The following PEX11A variants were observed in gnomAD, a reference collection of about 807,000 sequenced individuals.
The protein encoded by PEX11A is peroxisomal biogenesis factor 11 alpha.
In PEX11A, 13 loss-of-function variants were observed where a neutral mutation model predicts 14.4. The observed-to-expected ratio is 0.90, with a 90% CI of 0.59 to 1.43. PEX11A has a LOEUF of 1.43. PEX11A is among the 40% of genes most tolerant of loss of function. The pLI is 0.00. For missense variants in PEX11A, 290 were observed against 302.8 expected, an observed-to-expected ratio of 0.96 and a Z score of 0.31; for synonymous variants, 101 against 113.0, an observed-to-expected ratio of 0.89 and a Z score of 0.67.
chr15:89,688,880 TA>T (rs1964727406), intron 1 of PEX11A, among the ~76,000 whole-genome samples: 1 of 151,748 alleles, frequency 6.6e-6, no homozygotes, highest in Non-Finnish European at 1.5e-5. Flanking sequence ...AACGCCCAGC[TA>T]ATTTTTGTAT....
At chr15:89,685,647 T>G (rs1964666502) in intron 2 of PEX11A, among the ~76,000 whole-genome samples, 1 of 152,046 alleles carries the variant, frequency 6.6e-6, no homozygotes, top group African/African-American at 2.4e-5. Flanking sequence ...CCACCTCCTC[T>G]AAAACACCTT....
intron 2 of PEX11A, 112 bp from the exon 3 acceptor site, chr15:89,684,060 G>C: frequency 1.3e-6 from 1 of 749,448 alleles, no homozygotes; most frequent in East Asian, 2.5e-5. Context: ...TGTTGAGACA[G>C]GGTCTTGCTC....
chr15:89,689,690 A>T (rs898951826), intron 1 of PEX11A, among the ~76,000 whole-genome samples: 13 of 152,014 alleles, frequency 8.6e-5, no homozygotes, highest in Admixed American at 2.0e-4. Flanking sequence ...GCTTCTCCCC[A>T]CTGTATTTCC....
chr15:89,686,951 T>G (rs1964686649), intron 1 of PEX11A, among the ~76,000 whole-genome samples: 1 of 151,772 alleles, frequency 6.6e-6, no homozygotes, highest in Non-Finnish European at 1.5e-5. Context: ...TTTGATCGAG[T>G]CTCGCTCTTT....
At chr15:89,689,305 T>C (rs1170059812) in intron 1 of PEX11A, among the ~76,000 whole-genome samples, 1 of 152,142 alleles carries the variant, frequency 6.6e-6, no homozygotes, top group Admixed American at 6.5e-5. Flanking sequence ...ATTTAGAGTA[T>C]CTACCTCATA....
At chr15:89,690,383 G>A (rs972695086) in intron 1 of PEX11A, among the ~76,000 whole-genome samples, 194 bp downstream of exon 1, 1 of 152,178 alleles carries the variant, frequency 6.6e-6, no homozygotes, top group Admixed American at 6.5e-5. Context: ...CGGGACGCGG[G>A]TGCGTTGGGC....
intron 1 of PEX11A, 71 bp downstream of exon 1, chr15:89,690,506 G>C (rs1222289283): frequency 8.6e-7 from 1 of 1,156,698 alleles, no homozygotes; most frequent in African/African-American, 1.5e-5. Flanking sequence ...CTTTTTCCCG[G>C]GTGCAGGGGA....
Position 89,683,516 on chromosome 15 carries a change from A to T in PEX11A, c.605T>A (p.Leu202His), listed in dbSNP as rs1427512584. 6.2e-7 allele frequency: 1 copy of T among 1,614,084 alleles called. No homozygotes were observed. The highest frequency in any genetic ancestry group is 1.3e-5 in the African/African-American group (1 of 74,946). The change falls in exon 3 of 3, where the codon CTT becomes CAT. Residue 202 changes from leucine to histidine, a missense_variant. Leu to His is a moderately conservative substitution (Grantham distance 99). Coordinates refer to ENST00000300056, the MANE Select transcript of PEX11A (RefSeq NM_003847.3). ...GTCCAAAGGGTTCAGGATATCACAA[A>T]GGTTCTTCACTGTGTCCAGGAGCAA... Reference protein sequence around the residue: ...PPLLLDTVKNLCDILNPLDQL... With the variant: ...PPLLLDTVKNHCDILNPLDQL...
chr15:89,683,343 T>C lies in PEX11A; in HGVS notation c.*34A>G, dbSNP rs1964624196. On this transcript the variant is annotated 3_prime_UTR_variant, in exon 3 of 3. Transcript: ENST00000300056. The stretch of plus-strand genomic sequence containing the variant: ...TCTGTCCCACCAAGAGGCCATCTTT[T>C]AAAGTAGGTACTAGTTCCAAGCCTA... 7.0e-7 allele frequency: 1 copy of C among 1,419,502 alleles called. No individual in the cohort carries two copies. Among genetic ancestry groups the C allele is most frequent in the Non-Finnish European group, 9.7e-7 (1 of 1,027,494 alleles). The allele number at this position is 1,419,502 out of a possible 1,614,324, so 87.9% of individuals were successfully genotyped here. A position where few individuals can be genotyped will look rare whatever the true frequency, so the allele number is the denominator to read the frequency against.
intron 1 of PEX11A, among the ~76,000 whole-genome samples, chr15:89,688,663 C>T (rs574029670): frequency 2.1e-4 from 30 of 145,538 alleles, no homozygotes; most frequent in East Asian, 1.7e-3. Flanking sequence ...AGTGCTGGGA[C>T]TACAGGTGTG....
chr15:89,683,933 T>C lies in PEX11A; in HGVS notation c.188A>G (p.Asn63Ser). The change falls in exon 3 of 3, where the codon AAT becomes AGT. Residue 63 changes from asparagine (N) to serine (S), a missense_variant. Transcript: ENST00000300056. The stretch of plus-strand genomic sequence containing the variant: ...AGTTGCCTGTATAGCATGTACCACA[T>C]TGCCTAGTCTGAACCCTGCAAGTAG... ...STGRKWFRLG[N>S]VVHAIQATEQ... The C allele has an allele frequency of 6.2e-7, 1 of 1,611,580 alleles. No homozygotes were observed. Among genetic ancestry groups the C allele is most frequent in the Non-Finnish European group, 8.5e-7 (1 of 1,178,158 alleles).
intron 1 of PEX11A, chr15:89,687,943 T>C (rs907343038): frequency 1.1e-5 from 6 of 533,992 alleles, no homozygotes; most frequent in African/African-American, 9.7e-5. Context: ...TAGAACTGGA[T>C]CACTTGGCCC....
At position 89,683,788 on chromosome 15, in the gene PEX11A, G is replaced by A. The variant is rs372268829; in HGVS notation, c.333C>T (p.Thr111=). 2 of 1,614,048 alleles carry A rather than the reference G, an allele frequency of 1.2e-6. No individual in the cohort carries two copies. The highest frequency in any genetic ancestry group is 2.7e-5 in the African/African-American group (2 of 74,930). ...TILWVRSVGL[T]SGINKEKWRT... is the part of the protein sequence containing the mutation. Reference sequence around the variant, plus strand: ...GCCATTTCTCTTTGTTGATGCCAGAGGTGAGACCTACGCTCCTCACCCAGA... The same window carrying A: ...GCCATTTCTCTTTGTTGATGCCAGAAGTGAGACCTACGCTCCTCACCCAGA... The change falls in exon 3 of 3, where the codon ACC becomes ACT. Residue 111 remains threonine (T), a synonymous_variant. Coordinates refer to ENST00000300056, the MANE Select transcript of PEX11A (RefSeq NM_003847.3).
At chr15:89,689,359 G>A (rs1964751079) in intron 1 of PEX11A, among the ~76,000 whole-genome samples, 1 of 152,140 alleles carries the variant, frequency 6.6e-6, no homozygotes, top group South Asian at 2.1e-4. Flanking sequence ...GCAAAACACT[G>A]GGAACAATAG....
intron 2 of PEX11A, among the ~76,000 whole-genome samples, chr15:89,685,013 A>T (rs1964656425): frequency 6.6e-6 from 1 of 152,012 alleles, no homozygotes; most frequent in Non-Finnish European, 1.5e-5. Context: ...AACGTGGTGA[A>T]ACCCCGTCTC....
At chr15:89,685,153 A>G (rs1315223538) in intron 2 of PEX11A, among the ~76,000 whole-genome samples, 1 of 150,830 alleles carries the variant, frequency 6.6e-6, no homozygotes, top group Non-Finnish European at 1.5e-5. Context: ...GCAGTGAGCC[A>G]AGATCATGCC....
intron 1 of PEX11A, chr15:89,688,114 A>G: frequency 1.9e-6 from 1 of 536,152 alleles, no homozygotes; most frequent in South Asian, 1.4e-5. Flanking sequence ...CACCACAGCC[A>G]CTCTGCTTCC....
Position 89,686,558 on chromosome 15 carries a change from A to C in PEX11A, c.57-12T>G, listed in dbSNP as rs1964679996. On this transcript the variant is annotated splice_polypyrimidine_tract_variant and intron_variant, in intron 1 of 2. Coordinates refer to ENST00000300056, the MANE Select transcript of PEX11A (RefSeq NM_003847.3). ...TGTACTGAGTGGCTCTGAAATGGAA[A>C]AAAAAAAATTGAGAAGAATGATTTA... 8.5e-7 allele frequency: 1 copy of C among 1,172,582 alleles called. No homozygotes were observed. Among genetic ancestry groups the C allele is most frequent in the Non-Finnish European group, 1.3e-6 (1 of 798,594 alleles). The allele number at this position is 1,172,582 out of a possible 1,614,324, so 72.6% of individuals were successfully genotyped here.
chr15:89,683,619 T>C lies in PEX11A; in HGVS notation c.502A>G (p.Ser168Gly). ...KSASQDPLWFSVAEEETEWLQ... is the reference protein window; with the variant it reads ...KSASQDPLWFGVAEEETEWLQ... ...CATTCTGTTTCCTCCTCAGCCACGC[T>C]GAACCAAAGAGGATCCTGGGATGCT... The change falls in exon 3 of 3, where the codon AGC becomes GGC. Residue 168 changes from serine to glycine, a missense_variant. Transcript: ENST00000300056. 1 of 1,614,208 alleles carries C rather than the reference T, an allele frequency of 6.2e-7. No homozygotes were observed. Among genetic ancestry groups the C allele is most frequent in the Non-Finnish European group, 8.5e-7 (1 of 1,179,998 alleles).
Sources: allele counts gnomAD v4.1 joint callset (sites outside exome capture counted in the v4.1 genomes callset), GRCh38; gene constraint gnomAD v4.1.1; transcripts MANE v1.5; gene names NCBI Gene and HGNC (gene_info 2026-07-23, HGNC 2026-07-21).